NCK1: variants seen among roughly 807,000 people sequenced by gnomAD.
NCK1 encodes the protein SH2/SH3 adapter protein NCK1.
NCK1 carries 19 observed loss-of-function variants against 36.6 expected under a neutral mutation model. The ratio of observed to expected loss-of-function variants is 0.52; its 90% CI spans 0.36 to 0.76. The LOEUF is 0.76. Ranked by LOEUF, NCK1 falls within the 30% of genes least tolerant of loss-of-function variation. The pLI, the probability that NCK1 is intolerant of heterozygous loss-of-function variation, is 0.00. For synonymous variants in NCK1, 165 were observed against 156.0 expected, an observed-to-expected ratio of 1.06 and a Z score of -0.43; for missense variants, 358 against 445.6, an observed-to-expected ratio of 0.80 and a Z score of 1.77.
At chr3:136,870,189 A>G (rs759259254) in intron 1 of NCK1, among the ~76,000 whole-genome samples, 3 of 151,910 alleles carry the variant, frequency 2.0e-5, no homozygotes, top group African/African-American at 4.8e-5. Flanking sequence ...TAATAATACA[A>G]AATTTAGCTG....
At chr3:136,862,960 G>C (rs1938285923) in intron 1 of NCK1, among the ~76,000 whole-genome samples, 1 of 151,468 alleles carries the variant, frequency 6.6e-6, no homozygotes, top group Non-Finnish European at 1.5e-5. Context: ...GTGAACTTTT[G>C]ACTTGAGTTG....
At chr3:136,876,883 A>G (rs1035773422) in intron 1 of NCK1, among the ~76,000 whole-genome samples, 5 of 152,188 alleles carry the variant, frequency 3.3e-5, no homozygotes, top group African/African-American at 7.2e-5. Context: ...ACTGGTTTCA[A>G]AGATACAGAT....
chr3:136,921,903 T>C (rs1293457094), intron 1 of NCK1, among the ~76,000 whole-genome samples: 1 of 151,970 alleles, frequency 6.6e-6, no homozygotes, highest in Non-Finnish European at 1.5e-5. Context: ...CCTGCCTCAG[T>C]CTCCTGAGTA....
chr3:136,934,829 A>T (rs147023876), intron 2 of NCK1, among the ~76,000 whole-genome samples: 5 of 152,324 alleles, frequency 3.3e-5, no homozygotes, highest in Non-Finnish European at 7.4e-5. Context: ...TAAAGAGTAG[A>T]GAATTGGAGT....
At chr3:136,910,334 T>C (rs747923239) in intron 1 of NCK1, among the ~76,000 whole-genome samples, 3 of 152,196 alleles carry the variant, frequency 2.0e-5, no homozygotes, top group Non-Finnish European at 4.4e-5. Context: ...CCTGTACAGC[T>C]CCATCCCTAC....
intron 1 of NCK1, among the ~76,000 whole-genome samples, chr3:136,879,204 A>T (rs180934122): frequency 5.3e-5 from 8 of 152,168 alleles, no homozygotes; most frequent in South Asian, 2.1e-4. Flanking sequence ...CATAAAGTAG[A>T]GGAAAAGATG....
chr3:136,893,146 T>TTG (rs1430611735), intron 1 of NCK1, among the ~76,000 whole-genome samples: 51 of 81,758 alleles, frequency 6.2e-4, no homozygotes, highest in African/African-American at 1.8e-3. Context: ...TAATATTCCA[T>TTG]AGTGTGTGTG....
At chr3:136,894,879 GTTTT>G (rs756169292) in intron 1 of NCK1, among the ~76,000 whole-genome samples, 10 of 77,590 alleles carry the variant, frequency 1.3e-4, no homozygotes, top group East Asian at 7.9e-4. Context: ...GTTTTGTTTT[GTTTT>G]TTTTTTGAGA....
chr3:136,935,900 A>G (rs995687640), intron 2 of NCK1, among the ~76,000 whole-genome samples: 5 of 152,072 alleles, frequency 3.3e-5, no homozygotes, highest in African/African-American at 4.8e-5. Flanking sequence ...GGATTTACCT[A>G]TTCTGGATAA....
intron 1 of NCK1, among the ~76,000 whole-genome samples, chr3:136,902,528 T>C (rs1266515681): frequency 6.6e-6 from 1 of 152,206 alleles, no homozygotes; most frequent in Non-Finnish European, 1.5e-5. Context: ...ATTCCATTCT[T>C]ATCTGAGGAG....
chr3:136,902,198 T>TTG (rs138328323), intron 1 of NCK1, among the ~76,000 whole-genome samples: 5,453 of 131,554 alleles, frequency 0.041, 231 homozygotes, highest in African/African-American at 0.1. Context: ...TTTTTTTTTT[T>TTG]TTTTGTTTTT....
chr3:136,929,152 T>TG (rs1373237624), intron 2 of NCK1, among the ~76,000 whole-genome samples: 1 of 152,142 alleles, frequency 6.6e-6, no homozygotes, highest in African/African-American at 2.4e-5. Context: ...AGGCCAAACT[T>TG]GAACTCCTGG....
intron 1 of NCK1, among the ~76,000 whole-genome samples, chr3:136,902,436 C>A (rs577051524): frequency 6.6e-6 from 1 of 152,208 alleles, no homozygotes; most frequent in Non-Finnish European, 1.5e-5. Context: ...CTCAGGCAAT[C>A]TGCCCACCTC....
intron 1 of NCK1, among the ~76,000 whole-genome samples, chr3:136,883,365 T>C (rs1938995804): frequency 6.6e-6 from 1 of 152,006 alleles, no homozygotes; most frequent in Admixed American, 6.6e-5. Context: ...TCCTGGAACC[T>C]ATGTACTTTG....
At position 136,950,430 on chromosome 3, in the gene NCK1, C is replaced by G. The variant is rs1218139165; in HGVS notation, c.*1977C>G. On this transcript the variant is annotated 3_prime_UTR_variant, in exon 4 of 4. Transcript: ENST00000481752. ...TGTTCCATAATTAGGTTTATTGTAGCTATAGCGCTCCCAGATAACCCATGT... is the reference window on the plus strand; with the variant it reads ...TGTTCCATAATTAGGTTTATTGTAGGTATAGCGCTCCCAGATAACCCATGT... Among the ~76,000 whole-genome samples, 4 of 152,098 alleles carry G rather than the reference C, an allele frequency of 2.6e-5. No individual in the cohort carries two copies. Among genetic ancestry groups the G allele is most frequent in the African/African-American group, 7.2e-5 (3 of 41,444 alleles).
At chr3:136,907,905 G>C (rs941052149) in intron 1 of NCK1, among the ~76,000 whole-genome samples, 2 of 152,148 alleles carry the variant, frequency 1.3e-5, no homozygotes, top group African/African-American at 4.8e-5. Flanking sequence ...TCAGTCCCCA[G>C]ATCTTTTTGT....
At chr3:136,903,097 T>G (rs1410647117) in intron 1 of NCK1, among the ~76,000 whole-genome samples, 5 of 152,250 alleles carry the variant, frequency 3.3e-5, no homozygotes. Context: ...CTTACAGATC[T>G]AATAATACTT....
intron 1 of NCK1, among the ~76,000 whole-genome samples, chr3:136,894,047 T>G (rs1939327464): frequency 6.6e-6 from 1 of 152,202 alleles, no homozygotes; most frequent in South Asian, 2.1e-4. Flanking sequence ...TCCAGACAGA[T>G]TGCTCCCTAA....
intron 1 of NCK1, among the ~76,000 whole-genome samples, chr3:136,918,856 A>G (rs1040429604): frequency 2.0e-5 from 3 of 152,154 alleles, no homozygotes; most frequent in African/African-American, 4.8e-5. Context: ...TGATAAAGTG[A>G]TATATATTCA....
Sources: gnomAD v4.1 joint callset for allele counts (sites outside exome capture counted in the v4.1 genomes callset) on GRCh38, gnomAD v4.1.1 for gene constraint, MANE v1.5 for transcripts, NCBI Gene and HGNC (gene_info 2026-07-23, HGNC 2026-07-21) for gene names.